The following ULK1 variants were observed in gnomAD, a reference collection of about 807,000 sequenced individuals.
The protein encoded by ULK1 is serine/threonine-protein kinase ULK1.
In ULK1, 48 loss-of-function variants were observed where a neutral mutation model predicts 117.5. The observed-to-expected ratio is 0.41, with a 90% CI of 0.32 to 0.52. The LOEUF is 0.52. Ranked by LOEUF, ULK1 falls within the 20% of genes least tolerant of loss-of-function variation. ULK1 has a pLI of 0.29. For missense variants in ULK1, 1,387 were observed against 1,473.4 expected, an observed-to-expected ratio of 0.94 and a Z score of 0.96; for synonymous variants, 790 against 637.8, an observed-to-expected ratio of 1.24 and a Z score of -3.60.
At chr12:131,912,523 G>T (rs750918655) in intron 13 of ULK1, among the ~76,000 whole-genome samples, 3 of 152,252 alleles carry the variant, frequency 2.0e-5, no homozygotes, top group Non-Finnish European at 4.4e-5. Flanking sequence ...GAATGAAGGT[G>T]CCTAAACTTT....
chr12:131,908,701 C>T lies in ULK1; in HGVS notation c.374C>T (p.Ala125Val). Reference sequence around the variant, plus strand: ...CTCTTCCTGCAGCAGATCGCGGGCGCCATGCGGCTTCTGCACAGCAAAGGC... The same window carrying T: ...CTCTTCCTGCAGCAGATCGCGGGCGTCATGCGGCTTCTGCACAGCAAAGGC... The part of the protein sequence containing the change: ...IRLFLQQIAG[A>V]MRLLHSKGII... Residue 125 changes from alanine to valine, a missense_variant, in exon 6 of 28, where the codon GCC (alanine) becomes GTC (valine). By Grantham distance (64) the Ala-to-Val change is moderately conservative. This residue lies in a region of ULK1 where 224 missense variants were observed against 325.2 expected (regional missense o/e 0.69). Transcript: ENST00000321867. 6.2e-7 allele frequency: 1 copy of T among 1,601,746 alleles called. No homozygotes were observed. Among genetic ancestry groups the T allele is most frequent in the Non-Finnish European group, 8.5e-7 (1 of 1,176,068 alleles).
In ULK1 at chr12:131,909,943, G is replaced by T. The variant is rs761847191; in HGVS notation, c.750G>T (p.Pro250=). 6.2e-7 allele frequency: 1 copy of T among 1,611,826 alleles called. No individual in the cohort carries two copies. Among genetic ancestry groups the T allele is most frequent in the Non-Finnish European group, 8.5e-7 (1 of 1,179,780 alleles). Residue 250 remains proline, a synonymous_variant, in exon 10 of 28, where the codon CCG becomes CCT. Transcript: ENST00000321867. ...GCATCCCCCGGGAGACCTCGGCCCC[G>T]CTGCGGCAGCTGCTCCTGGCCCTAC... is the stretch of plus-strand genomic sequence containing the variant. The part of the protein sequence containing the change: ...VPTIPRETSA[P]LRQLLLALLQ...
chr12:131,915,154 C>T lies in ULK1; in HGVS notation c.1445C>T (p.Ala482Val), dbSNP rs767161210. ...GFARASPSPP[A>V]HAEHGGVLAR... ...GCAAGGGCCAGCCCCTCGCCCCCTG[C>T]CCACGCTGAGCATGGAGGCGTCCTG... The change falls in exon 17 of 28, where the codon GCC (alanine) becomes GTC (valine). Residue 482 changes from alanine (A) to valine (V), a missense_variant. By Grantham distance (64) the Ala-to-Val change is moderately conservative. Coordinates refer to ENST00000321867, the MANE Select transcript of ULK1 (RefSeq NM_003565.4). 1.2e-6 allele frequency: 2 copies of T among 1,606,018 alleles called. No homozygotes were observed. Among genetic ancestry groups the T allele is most frequent in the Admixed American group, 3.4e-5 (2 of 58,958 alleles).
In ULK1 at chr12:131,919,371, A is replaced by G. The variant is rs1368771668; in HGVS notation, c.2671A>G (p.Ser891Gly). ...SVVADQISLL[S>G]REWGFAEQLV... ...GGTGGCCGACCAGATCAGCCTGCTG[A>G]GCCGAGAATGGGGGTGGGTGCCGCC... Residue 891 changes from serine (S) to glycine (G), a missense_variant, in exon 24 of 28, where the codon AGC (serine) becomes GGC (glycine). Coordinates refer to ENST00000321867, the MANE Select transcript of ULK1 (RefSeq NM_003565.4). 9.5e-7 allele frequency: 1 copy of G among 1,053,334 alleles called. No individual in the cohort carries two copies. The highest frequency in any genetic ancestry group is 1.3e-6 in the Non-Finnish European group (1 of 769,376). The allele number at this position is 1,053,334 out of a possible 1,614,324, so 65.2% of individuals were successfully genotyped here.
chr12:131,916,008 A>G lies in ULK1; in HGVS notation c.1727A>G (p.Asp576Gly). The change falls in exon 19 of 28, where the codon GAC becomes GGC. Residue 576 changes from aspartate to glycine, a missense_variant. Transcript: ENST00000321867. ...CCCAAGCTGCCCAAACCCCCCACGG[A>G]CCCCCTGGGAGCTGTGTTCAGCCCA... is the stretch of plus-strand genomic sequence containing the variant. The part of the protein sequence containing the change: ...VRPKLPKPPT[D>G]PLGAVFSPPQ... 2 of 1,600,234 alleles carry G rather than the reference A, an allele frequency of 1.2e-6. No homozygotes were observed. Among genetic ancestry groups the G allele is most frequent in the Middle Eastern group, 1.7e-4 (1 of 6,018 alleles).
intron 3 of ULK1, among the ~76,000 whole-genome samples, chr12:131,900,339 T>C (rs1889037600): frequency 6.6e-6 from 1 of 152,192 alleles, no homozygotes; most frequent in African/African-American, 2.4e-5. Flanking sequence ...CTTATTGTGT[T>C]GGGTTTTGTG....
rs1202018600 is a variant in ULK1, at chr12:131,909,768, C to T, written c.667-7C>T. The stretch of plus-strand genomic sequence containing the variant: ...CCCTGGCAGTCAGGCTGTCCCCGTC[C>T]CCGCAGGCCAGCAGCCCCCAGGACC... On this transcript the variant is annotated splice_polypyrimidine_tract_variant and splice_region_variant and intron_variant, in intron 8 of 27. Transcript: ENST00000321867. The T allele has an allele frequency of 3.1e-6, 5 of 1,600,702 alleles. No individual in the cohort carries two copies. The East Asian group carries it at 6.7e-5, about 22-fold the overall frequency.
rs1301717631 is a variant in ULK1 at position 131,922,536 on chromosome 12, C to T, written c.*1175C>T. The T allele has an allele frequency of 3.8e-5, 6 of 156,078 alleles. No homozygotes were observed. Among genetic ancestry groups the T allele is most frequent in the African/African-American group, 9.6e-5 (4 of 41,518 alleles). 9.7% of individuals were successfully genotyped at this position (156,078 alleles called of 1,614,324 possible). ...CCTGCCTCTGCCTTGCCCAAGGCCA[C>T]GGAGGGCATCTGCAGAGAGGCCTGC... On this transcript the variant is annotated 3_prime_UTR_variant, in exon 28 of 28. Transcript: ENST00000321867.
In ULK1 at chr12:131,912,026, G is replaced by A. The variant is rs140015869; in HGVS notation, c.1033G>A (p.Gly345Ser). 4.0e-5 allele frequency: 64 copies of A among 1,612,778 alleles called. No homozygotes were observed. Among genetic ancestry groups the A allele is most frequent in the Non-Finnish European group, 4.5e-5 (53 of 1,179,992 alleles). ...CTTCCTGCACAGCTCCCGGGACTCT[G>A]GTGGCAGCAAGGACTCTTCCTGTGA... is the stretch of plus-strand genomic sequence containing the variant. ...AGFLHSSRDS[G>S]GSKDSSCDTD... The change falls in exon 13 of 28, where the codon GGT becomes AGT. Residue 345 changes from glycine to serine, a missense_variant. Gly to Ser is a moderately conservative substitution (Grantham distance 56). Around this residue, in one of 4 missense-constraint regions of ULK1, gnomAD observed 260 missense variants for 271.6 expected, o/e 0.96. Transcript: ENST00000321867.
Position 131,915,103 on chromosome 12 carries a change from C to T in ULK1, c.1394C>T (p.Ser465Leu). Residue 465 changes from serine to leucine, a missense_variant, in exon 17 of 28, where the codon TCA (serine) becomes TTA (leucine). By Grantham distance (145) the Ser-to-Leu change is moderately radical. Coordinates refer to ENST00000321867, the MANE Select transcript of ULK1 (RefSeq NM_003565.4). ...QTPRSSAIRR[S>L]GSTSPLGFAR... ...TTCAGGTCCTCTGCCATCCGCAGGT[C>T]AGGCAGCACCAGCCCCCTGGGCTTT... The T allele has an allele frequency of 6.4e-7, 1 of 1,560,224 alleles. No homozygotes were observed. Among genetic ancestry groups the T allele is most frequent in the Non-Finnish European group, 8.7e-7 (1 of 1,154,576 alleles).
intron 23 of ULK1, 40 bp from the exon 24 acceptor site, chr12:131,919,172 C>T (rs1053005941): frequency 2.4e-5 from 38 of 1,559,318 alleles, no homozygotes; most frequent in Non-Finnish European, 3.1e-5. Flanking sequence ...CCCTTCCAAG[C>T]CCGGGCAGCA....
chr12:131,899,711 C>G (rs979229332), intron 3 of ULK1, among the ~76,000 whole-genome samples: 2 of 152,208 alleles, frequency 1.3e-5, no homozygotes, highest in Non-Finnish European at 2.9e-5. Flanking sequence ...TGGAAGGGTA[C>G]CATGCTTAAC....
chr12:131,915,737 C>A (rs1440653253), intron 18 of ULK1, among the ~76,000 whole-genome samples, 154 bp from the exon 19 acceptor site: 2 of 152,164 alleles, frequency 1.3e-5, no homozygotes, highest in Admixed American at 1.3e-4. Context: ...CCACCGCACT[C>A]CAGCCTGAAT....
chr12:131,917,431 G>A lies in ULK1; in HGVS notation c.2203G>A (p.Gly735Arg), dbSNP rs750342112. 1.3e-6 allele frequency: 2 copies of A among 1,541,760 alleles called. No individual in the cohort carries two copies. Among genetic ancestry groups the A allele is most frequent in the South Asian group, 1.2e-5 (1 of 82,784 alleles). The part of the protein sequence containing the change: ...MEIAPSAGFG[G>R]SLHPGARAGG... ...CCCAGCACCCTCAGCTGGCTTTGGA[G>A]GGAGCCTGCACCCAGGAGCCCGTGC... Residue 735 changes from glycine (G) to arginine (R), a missense_variant, in exon 22 of 28, where the codon GGG becomes AGG. Around this residue, in one of 4 missense-constraint regions of ULK1, gnomAD observed 900 missense variants for 858.9 expected, o/e 1.05. Transcript: ENST00000321867.
chr12:131,912,076 C>T lies in ULK1; in HGVS notation c.1083C>T (p.Pro361=), dbSNP rs771235255. The change falls in exon 13 of 28, where the codon CCC becomes CCT. Residue 361 remains proline, a synonymous_variant. Coordinates refer to ENST00000321867, the MANE Select transcript of ULK1 (RefSeq NM_003565.4). ...SCDTDDFVMV[P]AQFPGDLVAE... ...ACACAGACGACTTCGTCATGGTCCCCGCGCAGTTTCCAGGTCAGGGGGCAC... is the reference window on the plus strand; with the variant it reads ...ACACAGACGACTTCGTCATGGTCCCTGCGCAGTTTCCAGGTCAGGGGGCAC... 59 of 1,611,826 alleles carry T rather than the reference C, an allele frequency of 3.7e-5. No homozygotes were observed. Among genetic ancestry groups the T allele is most frequent in the African/African-American group, 2.5e-4 (19 of 74,920 alleles).
chr12:131,910,599 G>A, intron 11 of ULK1, 113 bp from the exon 12 acceptor site: 1 of 1,603,520 alleles, frequency 6.2e-7, no homozygotes, highest in Admixed American at 1.7e-5. Flanking sequence ...GCTGGTCGGG[G>A]TGTAGCCGGA....
chr12:131,919,775 C>T (rs1890067565), intron 25 of ULK1, 185 bp downstream of exon 25: 1 of 1,023,684 alleles, frequency 9.8e-7, no homozygotes, highest in Non-Finnish European at 1.4e-6. Flanking sequence ...CCCTGGAGCC[C>T]AGTATGCAGA....
intron 17 of ULK1, 26 bp from the exon 18 acceptor site, chr12:131,915,309 C>T (rs1352051768): frequency 1.9e-6 from 3 of 1,612,188 alleles, no homozygotes; most frequent in South Asian, 2.2e-5. Context: ...CCAGCTGGAC[C>T]CTGACAGATC....
In ULK1 at chr12:131,909,920, A is replaced by G; in HGVS notation, c.727A>G (p.Ile243Val). Reference protein sequence around the residue: ...YEKNKTLVPTIPRETSAPLRQ... With the variant: ...YEKNKTLVPTVPRETSAPLRQ... The stretch of plus-strand genomic sequence containing the variant: ...CACACCAGCCTCCTCTTGCCCCAGC[A>G]TCCCCCGGGAGACCTCGGCCCCGCT... The change falls in exon 10 of 28, where the codon ATC becomes GTC. Residue 243 changes from isoleucine to valine, a missense_variant and splice_region_variant. Coordinates refer to ENST00000321867, the MANE Select transcript of ULK1 (RefSeq NM_003565.4). The G allele has an allele frequency of 1.9e-6, 3 of 1,611,674 alleles. No individual in the cohort carries two copies. The highest frequency in any genetic ancestry group is 2.5e-6 in the Non-Finnish European group (3 of 1,179,664).
Sources: gnomAD v4.1 joint callset for allele counts (sites outside exome capture counted in the v4.1 genomes callset) on GRCh38, gnomAD v4.1.1 for gene constraint, gnomAD v4.1.1 regional missense constraint, MANE v1.5 for transcripts, NCBI Gene and HGNC (gene_info 2026-07-23, HGNC 2026-07-21) for gene names.